MTSS1: variants seen among roughly 807,000 people sequenced by gnomAD.
The protein encoded by MTSS1 is protein MTSS 1.
In MTSS1, 18 loss-of-function variants were observed where a neutral mutation model predicts 79.0. The ratio of observed to expected loss-of-function variants is 0.23; its 90% confidence interval spans 0.16 to 0.34. The LOEUF is 0.34. Among genes scored for constraint, MTSS1 ranks in the 10% least tolerant of loss-of-function variants. The pLI is 1.00. For synonymous variants in MTSS1, 341 were observed against 368.6 expected (o/e 0.93, Z 0.86); for missense variants, 815 against 986.2 (o/e 0.83, Z 2.33).
intron 3 of MTSS1, among the ~76,000 whole-genome samples, chr8:124,653,521 C>T (rs942424382): frequency 2.6e-5 from 4 of 152,104 alleles, no homozygotes; most frequent in Non-Finnish European, 5.9e-5. Context: ...GCCAGGAATT[C>T]GAGACCAGCC....
In MTSS1 at chr8:124,728,071, G is replaced by A; in HGVS notation, c.-116C>T. On this transcript the variant is annotated 5_prime_UTR_variant, in exon 1 of 14. Coordinates refer to ENST00000518547, the MANE Select transcript of MTSS1 (RefSeq NM_014751.6). The surrounding 1 kb of genome is among the most constrained non-coding windows in gnomAD (Gnocchi z 6.1). ...CTTCCGAGAGACCCACCTCGGACTCGCAGCCTCTTCTGCAGCGAGGACGGG... is the reference window on the plus strand; with the variant it reads ...CTTCCGAGAGACCCACCTCGGACTCACAGCCTCTTCTGCAGCGAGGACGGG... 5.0e-6 allele frequency: 4 copies of A among 804,854 alleles called. No individual in the cohort carries two copies. Among genetic ancestry groups the A allele is most frequent in the East Asian group, 5.8e-5 (2 of 34,514 alleles). 49.9% of individuals were successfully genotyped at this position (804,854 alleles called of 1,614,324 possible). A position where few individuals can be genotyped will look rare whatever the true frequency, so the allele number is the denominator to read the frequency against.
chr8:124,636,283 C>CCATGCT (rs1470990681), intron 3 of MTSS1, among the ~76,000 whole-genome samples: 3 of 152,198 alleles, frequency 2.0e-5, no homozygotes, highest in Admixed American at 2.0e-4. Flanking sequence ...TTGTGTGCCA[C>CCATGCT]CATGCTCAGC....
chr8:124,661,244 AC>A (rs1195320828), intron 3 of MTSS1, among the ~76,000 whole-genome samples: 2 of 152,084 alleles, frequency 1.3e-5, no homozygotes, highest in African/African-American at 4.8e-5. Context: ...AAAAGTAAAA[AC>A]CTTAGGAAAA....
chr8:124,720,763 C>G (rs891544), intron 1 of MTSS1, among the ~76,000 whole-genome samples: 1 of 152,154 alleles, frequency 6.6e-6, no homozygotes, highest in Non-Finnish European at 1.5e-5. Flanking sequence ...TCCACTGATT[C>G]TAAGACTTCA....
chr8:124,647,616 T>G (rs1196838100), intron 3 of MTSS1, among the ~76,000 whole-genome samples: 1 of 151,616 alleles, frequency 6.6e-6, no homozygotes, highest in Non-Finnish European at 1.5e-5. Flanking sequence ...AAAAAAAAGA[T>G]GTGTGGCATG....
intron 2 of MTSS1, among the ~76,000 whole-genome samples, chr8:124,703,873 A>G (rs892152075): frequency 6.6e-6 from 1 of 152,234 alleles, no homozygotes. Context: ...CCTTACATAC[A>G]GTACCTACCT....
chr8:124,638,766 G>A (rs1026605085), intron 3 of MTSS1, among the ~76,000 whole-genome samples: 1 of 152,206 alleles, frequency 6.6e-6, no homozygotes, highest in African/African-American at 2.4e-5. Context: ...CCAGGATGCA[G>A]GAGGGTAACA....
At chr8:124,726,604 G>A (rs1833727330) in intron 1 of MTSS1, among the ~76,000 whole-genome samples, 1 of 152,234 alleles carries the variant, frequency 6.6e-6, no homozygotes, top group South Asian at 2.1e-4. Context: ...GTGGCAGTTG[G>A]TTCTGAAAGG....
At chr8:124,600,216 C>G (rs1301791133) in intron 3 of MTSS1, among the ~76,000 whole-genome samples, 3 of 151,896 alleles carry the variant, frequency 2.0e-5, no homozygotes, top group Non-Finnish European at 4.4e-5. Context: ...TTACAGTTGC[C>G]TCATCCATAC....
At chr8:124,600,369 AT>A (rs1833577820) in intron 3 of MTSS1, among the ~76,000 whole-genome samples, 1 of 152,230 alleles carries the variant, frequency 6.6e-6, no homozygotes, top group Non-Finnish European at 1.5e-5. Flanking sequence ...TAATTAAATT[AT>A]TTAACAACAG....
At chr8:124,702,272 C>A (rs1829809750) in intron 2 of MTSS1, among the ~76,000 whole-genome samples, 1 of 152,170 alleles carries the variant, frequency 6.6e-6, no homozygotes, top group South Asian at 2.1e-4. Context: ...AAAGATGAAG[C>A]TACCTAAAAT....
intron 3 of MTSS1, among the ~76,000 whole-genome samples, chr8:124,668,698 A>T (rs1294170940): frequency 6.6e-6 from 1 of 152,208 alleles, no homozygotes; most frequent in Non-Finnish European, 1.5e-5. Flanking sequence ...GCCACAATGA[A>T]GACCTCAGTG....
intron 3 of MTSS1, among the ~76,000 whole-genome samples, chr8:124,696,996 A>G (rs976099326): frequency 3.9e-5 from 6 of 152,182 alleles, no homozygotes; most frequent in Admixed American, 2.6e-4. Flanking sequence ...TTTTGCACAA[A>G]TAATGGCTGT....
At chr8:124,587,384 C>T (rs16899786) in intron 5 of MTSS1, among the ~76,000 whole-genome samples, 5,942 of 152,290 alleles carry the variant, frequency 0.039, 225 homozygotes, top group African/African-American at 0.096. Flanking sequence ...GGATAAATCC[C>T]GTGAGCCTAA....
At position 124,727,752 on chromosome 8, in the gene MTSS1, G is replaced by A. The variant is rs1833947702; in HGVS notation, c.72+132C>T. 5.3e-6 allele frequency: 4 copies of A among 758,616 alleles called. No individual in the cohort carries two copies. The highest frequency in any genetic ancestry group is 3.2e-4 in the Middle Eastern group (1 of 3,082). The allele number at this position is 758,616 out of a possible 1,614,324, so 47.0% of individuals were successfully genotyped here. ...CGGGTGAGCAGGTGACACTCCGGCC[G>A]GGAGCTCCCGCAGGTGGCCGGTGGC... is the stretch of plus-strand genomic sequence containing the variant. On this transcript the variant is annotated intron_variant, in intron 1 of 13. Coordinates refer to ENST00000518547, the MANE Select transcript of MTSS1 (RefSeq NM_014751.6). This position sits in a 1 kb window ranked among gnomAD's most constrained non-coding sequence, Gnocchi z 4.7.
At chr8:124,560,261 C>T (rs1824995949) in intron 10 of MTSS1, among the ~76,000 whole-genome samples, 1 of 152,184 alleles carries the variant, frequency 6.6e-6, no homozygotes, top group African/African-American at 2.4e-5. Flanking sequence ...TGGCTCATGC[C>T]TGTAATCCTG....
At chr8:124,575,862 G>A (rs1194437879) in intron 6 of MTSS1, among the ~76,000 whole-genome samples, 1 of 152,170 alleles carries the variant, frequency 6.6e-6, no homozygotes, top group Non-Finnish European at 1.5e-5. Flanking sequence ...TTCCTTGGTG[G>A]TTAAAGAAAT....
chr8:124,727,110 A>C lies in MTSS1; in HGVS notation c.72+774T>G, dbSNP rs1215886374. Among the ~76,000 whole-genome samples, 1 of 151,568 alleles carries C rather than the reference A, an allele frequency of 6.6e-6. No individual in the cohort carries two copies. The highest frequency in any genetic ancestry group is 1.5e-5 in the Non-Finnish European group (1 of 67,852). ...CGCGCGCGCGCGCACACACACATGCACGCGCGCACACACACACCATCTTCA... is the reference window on the plus strand; with the variant it reads ...CGCGCGCGCGCGCACACACACATGCCCGCGCGCACACACACACCATCTTCA... On this transcript the variant is annotated intron_variant, in intron 1 of 13. Transcript: ENST00000518547. This position sits in a 1 kb window ranked among gnomAD's most constrained non-coding sequence, Gnocchi z 4.7.
chr8:124,688,218 CGT>C (rs959560538), intron 3 of MTSS1, among the ~76,000 whole-genome samples: 27 of 151,122 alleles, frequency 1.8e-4, no homozygotes, highest in Non-Finnish European at 3.1e-4. Context: ...TGTATATATG[CGT>C]GTGTATGTGT....
Sources: allele counts gnomAD v4.1 joint callset (sites outside exome capture counted in the v4.1 genomes callset), GRCh38; gene constraint gnomAD v4.1.1; non-coding constraint Gnocchi (gnomAD v3.1); transcripts MANE v1.5; gene names NCBI Gene and HGNC (gene_info 2026-07-23, HGNC 2026-07-21).